The following TICAM2 variants were observed in gnomAD, a reference collection of about 807,000 sequenced individuals.
TICAM2 encodes TIR domain-containing adapter molecule 2.
Under a neutral mutation model 7.3 loss-of-function variants are expected in TICAM2, and 8 were observed. The observed-to-expected ratio is 1.10, with a 90% CI of 0.65 to 1.99. The LOEUF is 1.99. Among genes scored for constraint, TICAM2 ranks in the 30% most tolerant of loss-of-function variants. The probability of loss-of-function intolerance (pLI) is 0.00; values close to 1 mark genes in which losing one functional copy is unlikely to be tolerated. For synonymous variants in TICAM2, 113 were observed against 99.6 expected (o/e 1.13, Z -0.80); for missense variants, 304 against 278.8 (o/e 1.09, Z -0.65).
intron 1 of TICAM2, among the ~76,000 whole-genome samples, chr5:115,595,377 C>G (rs1011010425): frequency 6.6e-6 from 1 of 152,202 alleles, no homozygotes; most frequent in African/African-American, 2.4e-5. Context: ...AACTTTAAGT[C>G]CTGCTAATAG....
chr5:115,592,245 A>G (rs1755335409), intron 1 of TICAM2, among the ~76,000 whole-genome samples: 1 of 152,244 alleles, frequency 6.6e-6, no homozygotes, highest in African/African-American at 2.4e-5. Flanking sequence ...GATTATGACC[A>G]ATCATATATA....
chr5:115,589,240 A>G lies in TICAM2; in HGVS notation c.-59-7925T>C, dbSNP rs186325085. 1.2e-3 allele frequency among the ~76,000 whole-genome samples: 180 copies of G among 152,322 alleles called. 1 individual carries two copies. The highest frequency in any genetic ancestry group is 6.8e-3 in the Middle Eastern group (2 of 294). On this transcript the variant is annotated intron_variant, in intron 1 of 1. Transcript: ENST00000427199. The stretch of plus-strand genomic sequence containing the variant: ...ATTTACTCCTTGGCCCTTCACAGAA[A>G]AAGTGTGCTGATCCCTCAACTACAG...
chr5:115,600,845 A>G (rs1755702468), intron 1 of TICAM2, among the ~76,000 whole-genome samples: 1 of 152,168 alleles, frequency 6.6e-6, no homozygotes, highest in Admixed American at 6.5e-5. Flanking sequence ...AAAGTAGGGG[A>G]GCGGGACCTA....
At position 115,599,414 on chromosome 5, in the gene TICAM2, G is replaced by A. The variant is rs1273609303; in HGVS notation, c.-60+2683C>T. ...GGTAAAGGGCAAATCTCCAAATCAGGAAGAGATTTTATAAAAACATAGAAC... is the reference window on the plus strand; with the variant it reads ...GGTAAAGGGCAAATCTCCAAATCAGAAAGAGATTTTATAAAAACATAGAAC... On this transcript the variant is annotated intron_variant, in intron 1 of 1. Transcript: ENST00000427199. Among the ~76,000 whole-genome samples the A allele has an allele frequency of 9.9e-5, 15 of 152,190 alleles. No individual in the cohort carries two copies. The East Asian group carries it at 2.5e-3, about 25-fold the overall frequency.
intron 1 of TICAM2, among the ~76,000 whole-genome samples, chr5:115,592,009 T>C (rs1755322978): frequency 2.0e-5 from 3 of 152,032 alleles, no homozygotes; most frequent in Admixed American, 2.0e-4. Flanking sequence ...TAAGAGCCAA[T>C]AGCAAAGAAA....
At chr5:115,594,245 T>C (rs534677499) in intron 1 of TICAM2, among the ~76,000 whole-genome samples, 233 of 152,350 alleles carry the variant, frequency 1.5e-3, no homozygotes, top group African/African-American at 5.1e-3. Flanking sequence ...CCCAATTCTG[T>C]GTTCAAATTA....
chr5:115,580,592 C>T lies in TICAM2; in HGVS notation c.665G>A (p.Trp222Ter). ...ESVYKTQQTI[W>*]KETRNMVQRQ... Reference sequence around the variant, plus strand: ...TTGTACCATATTTCTTGTCTCTTTCCATATAGTTTGTTGTGTCTTATACAC... The same window carrying T: ...TTGTACCATATTTCTTGTCTCTTTCTATATAGTTTGTTGTGTCTTATACAC... Residue 222 changes from tryptophan (W) to a stop codon, truncating the protein, a stop_gained, in exon 2 of 2, where the codon TGG becomes TAG. Transcript: ENST00000427199. LOFTEE classifies it low-confidence loss of function (END_TRUNC). The T allele has an allele frequency of 1.9e-6, 3 of 1,599,178 alleles. No individual in the cohort carries two copies. The highest frequency in any genetic ancestry group is 1.7e-6 in the Non-Finnish European group (2 of 1,175,432).
intron 1 of TICAM2, among the ~76,000 whole-genome samples, chr5:115,594,174 CTACT>C (rs1193113830): frequency 2.0e-5 from 3 of 152,146 alleles, no homozygotes; most frequent in East Asian, 1.9e-4. Context: ...GTAACATTAT[CTACT>C]TACTTAATTT....
At chr5:115,582,114 C>G (rs1754945189) in intron 1 of TICAM2, among the ~76,000 whole-genome samples, 1 of 152,016 alleles carries the variant, frequency 6.6e-6, no homozygotes, top group Admixed American at 6.6e-5. Flanking sequence ...TGATTATAGT[C>G]TAGATTCATT....
chr5:115,594,740 GAGGATACAAATAGC>G (rs1755442015), intron 1 of TICAM2, among the ~76,000 whole-genome samples: 1 of 152,230 alleles, frequency 6.6e-6, no homozygotes, highest in Non-Finnish European at 1.5e-5. Flanking sequence ...CACAGAAAAA[GAGGATACAAATAGC>G]AGGCAATTAG....
intron 1 of TICAM2, among the ~76,000 whole-genome samples, chr5:115,585,480 A>G (rs994270128): frequency 5.3e-5 from 8 of 152,364 alleles, no homozygotes; most frequent in Admixed American, 1.3e-4. Context: ...AGCAGGAAGC[A>G]GCATGGTTTA....
At chr5:115,595,152 T>C (rs529707039) in intron 1 of TICAM2, among the ~76,000 whole-genome samples, 1 of 152,254 alleles carries the variant, frequency 6.6e-6, no homozygotes, top group Non-Finnish European at 1.5e-5. Flanking sequence ...ACCTGGGCCA[T>C]AATAGGTACT....
chr5:115,601,338 G>T (rs185725426), intron 1 of TICAM2, among the ~76,000 whole-genome samples: 16 of 152,222 alleles, frequency 1.1e-4, no homozygotes, highest in African/African-American at 3.6e-4. Context: ...CAGAGGTGGG[G>T]GGATGCATTT....
chr5:115,589,654 G>A (rs1359413930), intron 1 of TICAM2, among the ~76,000 whole-genome samples: 1 of 152,190 alleles, frequency 6.6e-6, no homozygotes, highest in African/African-American at 2.4e-5. Context: ...CATTAGAAAG[G>A]TTAGAGTTAT....
chr5:115,580,644 G>C lies in TICAM2; in HGVS notation c.613C>G (p.Gln205Glu), dbSNP rs1406578470. Residue 205 changes from glutamine (Q) to glutamate (E), a missense_variant, in exon 2 of 2, where the codon CAA (glutamine) becomes GAA (glutamate). Physicochemically the swap from Gln to Glu is conservative, Grantham distance 29. Transcript: ENST00000427199. ...LEEESRGFPT[Q>E]VERIFQESVY... ...GACTCCTGAAAAATTCTTTCTACTT[G>C]TGTAGGAAATCCACGACTTTCTTCC... 3.2e-6 allele frequency: 5 copies of C among 1,582,264 alleles called. No individual in the cohort carries two copies. Among genetic ancestry groups the C allele is most frequent in the African/African-American group, 2.7e-5 (2 of 72,898 alleles).
Position 115,580,613 on chromosome 5 carries a change from T to C in TICAM2, c.644A>G (p.Tyr215Cys), listed in dbSNP as rs1754881710. The change falls in exon 2 of 2, where the codon TAT (tyrosine) becomes TGT (cysteine). Residue 215 changes from tyrosine (Y) to cysteine (C), a missense_variant. By Grantham distance (194) the Tyr-to-Cys change is radical (BLOSUM62 -2). Transcript: ENST00000427199. The part of the protein sequence containing the change: ...QVERIFQESV[Y>C]KTQQTIWKET... Reference sequence around the variant, plus strand: ...TTTCCATATAGTTTGTTGTGTCTTATACACAGACTCCTGAAAAATTCTTTC... The same window carrying C: ...TTTCCATATAGTTTGTTGTGTCTTACACACAGACTCCTGAAAAATTCTTTC... The C allele has an allele frequency of 1.3e-6, 2 of 1,595,944 alleles. No individual in the cohort carries two copies. The highest frequency in any genetic ancestry group is 1.7e-6 in the Non-Finnish European group (2 of 1,174,670).
chr5:115,601,036 T>G (rs1018725333), intron 1 of TICAM2, among the ~76,000 whole-genome samples: 23 of 152,238 alleles, frequency 1.5e-4, no homozygotes, highest in African/African-American at 5.3e-4. Flanking sequence ...CATGTCACAT[T>G]TACTTTGCTT....
intron 1 of TICAM2, among the ~76,000 whole-genome samples, chr5:115,589,048 A>T (rs1755211942): frequency 6.6e-6 from 1 of 152,246 alleles, no homozygotes; most frequent in South Asian, 2.1e-4. Context: ...CTAAACTGTG[A>T]TTGATACAAC....
intron 1 of TICAM2, among the ~76,000 whole-genome samples, chr5:115,586,016 C>T (rs1054609645): frequency 2.6e-5 from 4 of 152,176 alleles, no homozygotes; most frequent in African/African-American, 9.7e-5. Context: ...ATGATGTTGA[C>T]TAGGCATTGA....
Sources: allele counts gnomAD v4.1 joint callset (sites outside exome capture counted in the v4.1 genomes callset), GRCh38; gene constraint gnomAD v4.1.1; transcripts MANE v1.5; gene names NCBI Gene and HGNC (gene_info 2026-07-23, HGNC 2026-07-21).